The following ZNF362 variants were observed in gnomAD, a reference collection of about 807,000 sequenced individuals.
The protein encoded by ZNF362 is rotund homolog.
A neutral mutation model predicts 42.9 loss-of-function variants in ZNF362; 11 were observed. The ratio of observed to expected loss-of-function variants is 0.26; its 90% CI spans 0.16 to 0.42. The LOEUF (loss-of-function observed/expected upper bound fraction) is 0.42, where lower values mean the gene tolerates loss of function less well. Ranked by LOEUF, ZNF362 falls within the 20% of genes least tolerant of loss-of-function variation. The pLI is 1.00. For missense variants in ZNF362, 362 were observed against 576.2 expected, an observed-to-expected ratio of 0.63 and a Z score of 3.81; for synonymous variants, 255 against 257.3, an observed-to-expected ratio of 0.99 and a Z score of 0.09.
chr1:33,168,256 T>C, the ZNF362 span, among the ~76,000 whole-genome samples: 4 of 152,204 alleles, frequency 2.6e-5, no homozygotes, highest in African/African-American at 9.6e-5. Context: ...GAGGCAACTG[T>C]AAAGACCAAA....
intron 8 of ZNF362, 32 bp from the exon 9 acceptor site, chr1:33,298,898 T>A (rs764079405): frequency 6.3e-7 from 1 of 1,586,034 alleles, no homozygotes; most frequent in Non-Finnish European, 8.7e-7. Flanking sequence ...TTGCTGGTGG[T>A]TCCCTGTTCT....
At chr1:33,154,108 A>G in the ZNF362 span, among the ~76,000 whole-genome samples, 1 of 152,260 alleles carries the variant, frequency 6.6e-6, no homozygotes, top group African/African-American at 2.4e-5. Context: ...GGCATGTGCA[A>G]ACGTGTAGAT....
the ZNF362 span, among the ~76,000 whole-genome samples, chr1:33,184,412 G>C: frequency 2.7e-4 from 41 of 152,334 alleles, no homozygotes; most frequent in Non-Finnish European, 4.6e-4. Flanking sequence ...TCGGAGGAAT[G>C]GCTGGTCCAC....
At chr1:33,170,998 C>A in the ZNF362 span, among the ~76,000 whole-genome samples, 1 of 152,172 alleles carries the variant, frequency 6.6e-6, no homozygotes, top group South Asian at 2.1e-4. Context: ...GTGTCTTCAT[C>A]CCTCACTGTG....
chr1:33,260,296 C>T (rs777449762), intron 1 of ZNF362, among the ~76,000 whole-genome samples: 2 of 152,264 alleles, frequency 1.3e-5, no homozygotes, highest in African/African-American at 2.4e-5. Flanking sequence ...CTGCCCACCT[C>T]TCAACCTTGG....
chr1:33,290,976 A>G (rs910719005), intron 6 of ZNF362, among the ~76,000 whole-genome samples: 5 of 152,098 alleles, frequency 3.3e-5, no homozygotes, highest in Admixed American at 6.6e-5. Context: ...CCTTTGTCAG[A>G]TGAGTAGATT....
At chr1:33,275,774 G>A (rs1021540267) in intron 2 of ZNF362, among the ~76,000 whole-genome samples, 1 of 152,158 alleles carries the variant, frequency 6.6e-6, no homozygotes, top group South Asian at 2.1e-4. Context: ...GCAGCCTGGG[G>A]CCCTCCTGGG....
Position 33,280,101 on chromosome 1 carries a change from C to A in ZNF362, c.350-23C>A. The A allele has an allele frequency of 6.5e-7, 1 of 1,543,268 alleles. No homozygotes were observed. The highest frequency in any genetic ancestry group is 8.8e-7 in the Non-Finnish European group (1 of 1,139,846). On this transcript the variant is annotated intron_variant, in intron 4 of 8. Coordinates refer to ENST00000539719, the MANE Select transcript of ZNF362 (RefSeq NM_152493.3). This position sits in a 1 kb window ranked among gnomAD's most constrained non-coding sequence, Gnocchi z 5.6. Reference sequence around the variant, plus strand: ...GCCTCTGCAGCTCCGCTCACCCCTGCCCCCACCCACCTGTCTTCGCAGGTC... The same window carrying A: ...GCCTCTGCAGCTCCGCTCACCCCTGACCCCACCCACCTGTCTTCGCAGGTC...
At chr1:33,181,222 T>C in the ZNF362 span, 7 of 1,573,636 alleles carry the variant, frequency 4.4e-6, no homozygotes, top group Non-Finnish European at 6.0e-6. This position sits in a 1 kb window ranked among gnomAD's most constrained non-coding sequence, Gnocchi z 6.5. Flanking sequence ...CGCTCCACGA[T>C]GTTGGCCAGC....
the ZNF362 span, chr1:33,181,634 C>T: frequency 4.0e-6 from 4 of 996,256 alleles, no homozygotes; most frequent in East Asian, 1.2e-4. This position sits in a 1 kb window ranked among gnomAD's most constrained non-coding sequence, Gnocchi z 6.5. Flanking sequence ...CTCCGTGGGA[C>T]GCCAGCCCGG....
the ZNF362 span, among the ~76,000 whole-genome samples, chr1:33,190,438 C>T: frequency 6.6e-6 from 1 of 152,196 alleles, no homozygotes; most frequent in Non-Finnish European, 1.5e-5. Flanking sequence ...CTCCAGTTCC[C>T]TAGCAGCTAC....
intron 1 of ZNF362, among the ~76,000 whole-genome samples, chr1:33,269,472 T>G (rs1645886655): frequency 6.6e-6 from 1 of 152,178 alleles, no homozygotes; most frequent in Non-Finnish European, 1.5e-5. Context: ...TCCGGATAGT[T>G]TTGGGTCCTG....
At chr1:33,228,392 CTT>C in the ZNF362 span, among the ~76,000 whole-genome samples, 1 of 152,166 alleles carries the variant, frequency 6.6e-6, no homozygotes, top group Non-Finnish European at 1.5e-5. Flanking sequence ...CCAGTCCTGA[CTT>C]TTCCTCTGAA....
In ZNF362 at chr1:33,256,598, C is replaced by G. The variant is rs1645792798; in HGVS notation, c.-145C>G. On this transcript the variant is annotated 5_prime_UTR_variant, in exon 1 of 9. Coordinates refer to ENST00000539719, the MANE Select transcript of ZNF362 (RefSeq NM_152493.3). ...GCCGGAGCCCCAGCCCGGCCCTGCTCGGGCCGCCGGGCGCGGGGCTGCGGC... is the reference window on the plus strand; with the variant it reads ...GCCGGAGCCCCAGCCCGGCCCTGCTGGGGCCGCCGGGCGCGGGGCTGCGGC... The G allele has an allele frequency of 6.8e-6, 1 of 146,482 alleles. No homozygotes were observed. The highest frequency in any genetic ancestry group is 1.5e-5 in the Non-Finnish European group (1 of 65,656). 9.1% of individuals were successfully genotyped at this position (146,482 alleles called of 1,614,324 possible).
the ZNF362 span, among the ~76,000 whole-genome samples, chr1:33,226,011 A>T: frequency 6.6e-6 from 1 of 151,668 alleles, no homozygotes; most frequent in Admixed American, 6.5e-5. Flanking sequence ...ACAATGGATT[A>T]TTGTGATTGG....
the ZNF362 span, chr1:33,159,907 G>C: frequency 2.5e-6 from 4 of 1,608,768 alleles, no homozygotes; most frequent in Non-Finnish European, 2.5e-6. This position sits in a 1 kb window ranked among gnomAD's most constrained non-coding sequence, Gnocchi z 4.2. Context: ...CCGCTCGAAG[G>C]CCTCGCCGAT....
upstream of ZNF362, among the ~76,000 whole-genome samples, chr1:33,255,785 C>A (rs933658391): frequency 9.2e-5 from 14 of 152,136 alleles, no homozygotes; most frequent in African/African-American, 2.6e-4. Context: ...AAAAAAAAAT[C>A]GGCCTGGATT....
the ZNF362 span, among the ~76,000 whole-genome samples, chr1:33,179,601 G>T: frequency 6.6e-6 from 1 of 152,170 alleles, no homozygotes; most frequent in Non-Finnish European, 1.5e-5. Flanking sequence ...CTTAGGCCAG[G>T]GTTGGTCATT....
At chr1:33,147,688 T>C in the ZNF362 span, 18 of 1,613,302 alleles carry the variant, frequency 1.1e-5, no homozygotes, top group Non-Finnish European at 1.4e-5. This position sits in a 1 kb window ranked among gnomAD's most constrained non-coding sequence, Gnocchi z 8.1. Context: ...GATCAGGCGC[T>C]GGTGGGCTGT....
Sources: allele counts gnomAD v4.1 joint callset (sites outside exome capture counted in the v4.1 genomes callset), GRCh38; gene constraint gnomAD v4.1.1; non-coding constraint Gnocchi (gnomAD v3.1); transcripts MANE v1.5; gene names NCBI Gene and HGNC (gene_info 2026-07-23, HGNC 2026-07-21).